PMM2: variants seen among roughly 807,000 people sequenced by gnomAD.
PMM2 encodes the protein mannose-6-phosphate isomerase.
A neutral mutation model predicts 33.2 loss-of-function variants in PMM2; 35 were observed. The ratio of observed to expected loss-of-function variants is 1.06; its 90% CI spans 0.81 to 1.40. The LOEUF is 1.40. PMM2 is among the 40% of genes most tolerant of loss of function. The pLI, the probability that PMM2 is intolerant of heterozygous loss-of-function variation, is 0.00. For missense variants in PMM2, 386 were observed against 306.0 expected, an observed-to-expected ratio of 1.26 and a Z score of -1.95; for synonymous variants, 153 against 114.7, an observed-to-expected ratio of 1.33 and a Z score of -2.13.
chr16:8,832,964 T>G (rs2060819871), intron 7 of PMM2: 1 of 430,900 alleles, frequency 2.3e-6, no homozygotes, highest in Non-Finnish European at 2.8e-6. Flanking sequence ...ATGACTGGTC[T>G]CCCCAGGGCA....
intron 2 of PMM2, among the ~76,000 whole-genome samples, chr16:8,804,031 GTTTTTTTTTT>G (rs752484926): frequency 1.1e-5 from 1 of 87,492 alleles, no homozygotes; most frequent in Non-Finnish European, 2.3e-5. Context: ...GGTTTTTTTT[GTTTTTTTTTT>G]TTTTTTTTTT....
intron 5 of PMM2, 43 bp downstream of exon 5, chr16:8,811,221 G>A (rs780749859): frequency 1.4e-5 from 18 of 1,274,362 alleles, no homozygotes; most frequent in Middle Eastern, 3.7e-4. Context: ...CTGGGTTTAT[G>A]GAAATAAGAT....
intron 2 of PMM2, among the ~76,000 whole-genome samples, chr16:8,804,333 C>T (rs912199763): frequency 2.6e-5 from 4 of 152,188 alleles, no homozygotes; most frequent in African/African-American, 9.6e-5. Context: ...TGAGCCACAC[C>T]GCACCCGACC....
At chr16:8,801,494 A>T (rs568859016) in intron 1 of PMM2, among the ~76,000 whole-genome samples, 1 of 152,202 alleles carries the variant, frequency 6.6e-6, no homozygotes, top group South Asian at 2.1e-4. Context: ...AACATGGCAA[A>T]ACTTAGTCTC....
rs199927358 is a variant in PMM2, at chr16:8,847,747, C to T, written c.663C>T (p.Phe221=). 1.2e-6 allele frequency: 2 copies of T among 1,613,862 alleles called. No individual in the cohort carries two copies. The highest frequency in any genetic ancestry group is 1.7e-6 in the Non-Finnish European group (2 of 1,179,782). The change falls in exon 8 of 8, where the codon TTC becomes TTT. Residue 221 remains phenylalanine (F), a synonymous_variant. Coordinates refer to ENST00000268261, the MANE Select transcript of PMM2 (RefSeq NM_000303.3). ...TMPGGNDHEI[F]TDPRTMGYSV... Reference sequence around the variant, plus strand: ...AGGGTGGCAATGACCATGAGATCTTCACAGACCCCAGAACCATGGGCTACT... The same window carrying T: ...AGGGTGGCAATGACCATGAGATCTTTACAGACCCCAGAACCATGGGCTACT...
chr16:8,827,551 A>G (rs559663886), intron 7 of PMM2, among the ~76,000 whole-genome samples: 1 of 149,208 alleles, frequency 6.7e-6, no homozygotes, highest in African/African-American at 2.5e-5. Flanking sequence ...ACACGCCACC[A>G]GGCCTGGCTA....
At position 8,820,894 on chromosome 16, in the gene PMM2, C is replaced by T. The variant is rs541233097; in HGVS notation, c.639+7788C>T. ...GTGAAGGGCCATCCTTGTGAGTGAGCACCTTCCTACACACCTTCCAACAGT... is the reference window on the plus strand; with the variant it reads ...GTGAAGGGCCATCCTTGTGAGTGAGTACCTTCCTACACACCTTCCAACAGT... On this transcript the variant is annotated intron_variant, in intron 7 of 7. Transcript: ENST00000268261. 2.4e-4 allele frequency among the ~76,000 whole-genome samples: 37 copies of T among 152,344 alleles called. 1 individual carries two copies. In the South Asian group the frequency reaches 6.8e-3, roughly 28 times the overall value.
chr16:8,832,059 A>G (rs1401335054), intron 7 of PMM2: 1 of 809,898 alleles, frequency 1.2e-6, no homozygotes. Context: ...TAGCCTTATT[A>G]TTCTAGAGGG....
intron 1 of PMM2, among the ~76,000 whole-genome samples, chr16:8,800,360 C>CAAAA (rs5815496): frequency 2.3e-5 from 3 of 128,402 alleles, no homozygotes; most frequent in Admixed American, 7.7e-5. Flanking sequence ...GACTTCGTGT[C>CAAAA]AAAAAAAAAA....
intron 3 of PMM2, among the ~76,000 whole-genome samples, chr16:8,806,007 T>C (rs919114546): frequency 3.9e-5 from 6 of 152,226 alleles, no homozygotes; most frequent in African/African-American, 1.2e-4. Context: ...TCTGGAGATA[T>C]TTTAATTGAA....
intron 7 of PMM2, among the ~76,000 whole-genome samples, chr16:8,815,625 C>T (rs1486152792): frequency 1.3e-5 from 2 of 152,064 alleles, no homozygotes; most frequent in Non-Finnish European, 1.5e-5. Flanking sequence ...TCAGTGAACA[C>T]GGGGGTACAG....
intron 7 of PMM2, among the ~76,000 whole-genome samples, chr16:8,843,538 G>A (rs1014305299): frequency 1.9e-4 from 29 of 152,100 alleles, no homozygotes; most frequent in Admixed American, 1.3e-4. Context: ...TTTCTGGCAC[G>A]TGTAGCAAGC....
intron 1 of PMM2, among the ~76,000 whole-genome samples, chr16:8,800,677 T>TTTTG (rs1187157258): frequency 8.7e-5 from 13 of 149,464 alleles, no homozygotes; most frequent in Non-Finnish European, 1.5e-4. Flanking sequence ...TTTTTTTTTT[T>TTTTG]TTTTGTTTTG....
chr16:8,824,899 T>G (rs1341729171), intron 7 of PMM2, among the ~76,000 whole-genome samples: 1 of 152,232 alleles, frequency 6.6e-6, no homozygotes, highest in East Asian at 1.9e-4. Context: ...TTTATTTTTT[T>G]TAATAGTTTA....
intron 4 of PMM2, chr16:8,806,859 C>A (rs1189062180): frequency 5.4e-6 from 1 of 185,156 alleles, no homozygotes; most frequent in African/African-American, 2.4e-5. Context: ...CAACAGAAAC[C>A]CTAGATCGGG....
chr16:8,804,600 A>G (rs986698526), intron 2 of PMM2, among the ~76,000 whole-genome samples, 167 bp from the exon 3 acceptor site: 3 of 152,222 alleles, frequency 2.0e-5, no homozygotes, highest in Non-Finnish European at 4.4e-5. Context: ...CCATTAAAAA[A>G]ACAAGGAACT....
intron 7 of PMM2, among the ~76,000 whole-genome samples, chr16:8,815,947 C>G (rs565965163): frequency 5.2e-4 from 78 of 151,384 alleles, no homozygotes; most frequent in African/African-American, 1.8e-3. Flanking sequence ...GAAACTCCAA[C>G]AACTCAATGG....
intron 1 of PMM2, among the ~76,000 whole-genome samples, chr16:8,799,195 A>C (rs559536501): frequency 1.3e-5 from 2 of 152,234 alleles, no homozygotes; most frequent in East Asian, 1.9e-4. Context: ...TGTACCAATA[A>C]AATTTTATTT....
Position 8,847,707 on chromosome 16 carries a change from A to G in PMM2, c.640-17A>G. Reference sequence around the variant, plus strand: ...CAGACGAGGGGGAGCCTTCATCTGTACTTCGTGTCTTTCCAGGGTGGCAAT... The same window carrying G: ...CAGACGAGGGGGAGCCTTCATCTGTGCTTCGTGTCTTTCCAGGGTGGCAAT... On this transcript the variant is annotated splice_polypyrimidine_tract_variant and intron_variant, in intron 7 of 7. Coordinates refer to ENST00000268261, the MANE Select transcript of PMM2 (RefSeq NM_000303.3). 1 of 1,589,516 alleles carries G rather than the reference A, an allele frequency of 6.3e-7. No homozygotes were observed. The highest frequency in any genetic ancestry group is 8.6e-7 in the Non-Finnish European group (1 of 1,157,776).
Sources: allele counts gnomAD v4.1 joint callset (sites outside exome capture counted in the v4.1 genomes callset), GRCh38; gene constraint gnomAD v4.1.1; transcripts MANE v1.5; gene names NCBI Gene and HGNC (gene_info 2026-07-23, HGNC 2026-07-21).